GALNT13: variants seen among roughly 807,000 people sequenced by gnomAD.
GALNT13 encodes the protein UDP-GalNAc:polypeptide N-acetylgalactosaminyltransferase 13.
GALNT13 carries 28 observed loss-of-function variants against 64.2 expected under a neutral mutation model. The observed-to-expected ratio is 0.44, with a 90% CI of 0.32 to 0.60. The LOEUF is 0.60. GALNT13 is among the 20% of genes least tolerant of loss of function. The probability of loss-of-function intolerance (pLI) is 0.05; values close to 1 mark genes in which losing one functional copy is unlikely to be tolerated. For synonymous variants in GALNT13, 214 were observed against 224.6 expected (o/e 0.95, Z 0.42); for missense variants, 577 against 669.8 (o/e 0.86, Z 1.53).
chr2:154,098,065 T>C (rs1702158853), intron 3 of GALNT13, among the ~76,000 whole-genome samples: 1 of 150,274 alleles, frequency 6.7e-6, no homozygotes, highest in African/African-American at 2.4e-5. Flanking sequence ...GCTCTAGGGC[T>C]CAGTGTGTTT....
chr2:153,423,147 G>A, the GALNT13 span, among the ~76,000 whole-genome samples: 1 of 151,704 alleles, frequency 6.6e-6, no homozygotes, highest in South Asian at 2.1e-4. Context: ...AGAAAAACAT[G>A]CACATTTAAA....
At chr2:153,579,994 T>A in the GALNT13 span, among the ~76,000 whole-genome samples, 70 of 152,278 alleles carry the variant, frequency 4.6e-4, no homozygotes, top group African/African-American at 1.6e-3. Context: ...GGCTCAAATA[T>A]GGTGAATTGC....
At chr2:153,224,714 A>G in the GALNT13 span, among the ~76,000 whole-genome samples, 43 of 152,222 alleles carry the variant, frequency 2.8e-4, no homozygotes, top group Non-Finnish European at 1.6e-4. Context: ...AAAGGATACT[A>G]TGAAAACTGT....
At chr2:153,356,374 G>A in the GALNT13 span, among the ~76,000 whole-genome samples, 3 of 152,296 alleles carry the variant, frequency 2.0e-5, 1 homozygote, top group Admixed American at 2.0e-4. Flanking sequence ...CTTTGAATGG[G>A]ATAGAAAGGT....
At chr2:154,037,761 C>T (rs559240395) in intron 3 of GALNT13, among the ~76,000 whole-genome samples, 1 of 152,130 alleles carries the variant, frequency 6.6e-6, no homozygotes, top group African/African-American at 2.4e-5. Flanking sequence ...TTTATAAAAG[C>T]CACAGCAAAA....
intron 3 of GALNT13, among the ~76,000 whole-genome samples, chr2:153,997,064 G>T (rs957847859): frequency 6.6e-6 from 1 of 151,990 alleles, no homozygotes; most frequent in Non-Finnish European, 1.5e-5. Flanking sequence ...ATGCTGTTTT[G>T]GTTACTGTGG....
At chr2:154,161,963 A>G (rs1284630025) in intron 4 of GALNT13, among the ~76,000 whole-genome samples, 1 of 152,010 alleles carries the variant, frequency 6.6e-6, no homozygotes, top group Non-Finnish European at 1.5e-5. Flanking sequence ...TTGTATTTTT[A>G]GTAGAGATGG....
At chr2:154,297,920 G>C (rs913929708) in intron 8 of GALNT13, among the ~76,000 whole-genome samples, 1 of 152,090 alleles carries the variant, frequency 6.6e-6, no homozygotes, top group Non-Finnish European at 1.5e-5. Context: ...GACAGAACAG[G>C]GGTGAATCAA....
intron 2 of GALNT13, among the ~76,000 whole-genome samples, chr2:153,924,358 G>A (rs1558856266): frequency 6.6e-6 from 1 of 152,008 alleles, no homozygotes; most frequent in Non-Finnish European, 1.5e-5. Context: ...GTGGCTTCCA[G>A]CTCCATCCAT....
the GALNT13 span, among the ~76,000 whole-genome samples, chr2:153,418,944 TG>T: frequency 6.6e-6 from 1 of 152,214 alleles, no homozygotes; most frequent in Admixed American, 6.5e-5. Flanking sequence ...GTGACTGCTA[TG>T]TGCTTCCTGT....
intron 3 of GALNT13, among the ~76,000 whole-genome samples, chr2:154,064,353 GA>G (rs1700348225): frequency 6.6e-6 from 1 of 152,166 alleles, no homozygotes; most frequent in Non-Finnish European, 1.5e-5. Context: ...TCTGGGCCGA[GA>G]GCAAGTGGAA....
chr2:154,271,956 G>T (rs1485681958), intron 8 of GALNT13, among the ~76,000 whole-genome samples: 3 of 151,780 alleles, frequency 2.0e-5, no homozygotes, highest in Non-Finnish European at 4.4e-5. Flanking sequence ...AACTAGGATA[G>T]TAAAGGAAAT....
chr2:153,355,768 G>A, the GALNT13 span, among the ~76,000 whole-genome samples: 1 of 152,092 alleles, frequency 6.6e-6, no homozygotes, highest in Non-Finnish European at 1.5e-5. Flanking sequence ...ATGCCTACAA[G>A]GTTTTCATGA....
At chr2:153,644,295 T>A in the GALNT13 span, among the ~76,000 whole-genome samples, 3 of 152,092 alleles carry the variant, frequency 2.0e-5, no homozygotes, top group African/African-American at 7.2e-5. Context: ...ATACAGGAAA[T>A]AAAATATATT....
the GALNT13 span, among the ~76,000 whole-genome samples, chr2:153,376,930 G>T: frequency 3.9e-5 from 6 of 152,092 alleles, no homozygotes; most frequent in African/African-American, 1.4e-4. Context: ...GATACATTTT[G>T]TATCTACAAA....
At chr2:153,079,605 A>G in the GALNT13 span, among the ~76,000 whole-genome samples, 1 of 152,160 alleles carries the variant, frequency 6.6e-6, no homozygotes, top group East Asian at 1.9e-4. Context: ...CTTATGTTTC[A>G]GCTACATGAT....
intron 8 of GALNT13, among the ~76,000 whole-genome samples, chr2:154,284,452 T>C (rs1226908890): frequency 6.6e-6 from 1 of 152,022 alleles, no homozygotes; most frequent in Non-Finnish European, 1.5e-5. Flanking sequence ...CTTCCTTTTT[T>C]CAGCTGTGTA....
chr2:154,447,100 C>T (rs1298413551), intron 12 of GALNT13, among the ~76,000 whole-genome samples: 10 of 151,640 alleles, frequency 6.6e-5, no homozygotes, highest in South Asian at 6.2e-4. Context: ...ACAGGTTCTG[C>T]GTCATCAGAT....
the GALNT13 span, among the ~76,000 whole-genome samples, chr2:153,849,968 T>A: frequency 7.4e-6 from 1 of 136,040 alleles, no homozygotes; most frequent in East Asian, 2.1e-4. Context: ...GAGACCATCC[T>A]GGCTAACGCG....
Sources: allele counts gnomAD v4.1 joint callset (sites outside exome capture counted in the v4.1 genomes callset), GRCh38; gene constraint gnomAD v4.1.1; transcripts MANE v1.5; gene names NCBI Gene and HGNC (gene_info 2026-07-23, HGNC 2026-07-21).